The following WNT11 variants were observed in gnomAD, a reference collection of about 807,000 sequenced individuals.
WNT11 encodes protein Wnt-11.
Under a neutral mutation model 35.6 loss-of-function variants are expected in WNT11, and 20 were observed. That is an observed-to-expected ratio of 0.56 (90% CI 0.40 to 0.82). The LOEUF (loss-of-function observed/expected upper bound fraction) is 0.82. Among genes scored for constraint, WNT11 ranks in the 40% least tolerant of loss-of-function variants. The pLI is 0.00. For synonymous variants in WNT11, 200 were observed against 211.9 expected, an observed-to-expected ratio of 0.94 and a Z score of 0.49; for missense variants, 459 against 504.4, an observed-to-expected ratio of 0.91 and a Z score of 0.86.
intron 1 of WNT11, among the ~76,000 whole-genome samples, chr11:76,198,344 C>T (rs1953320253): frequency 6.6e-6 from 1 of 152,182 alleles, no homozygotes; most frequent in South Asian, 2.1e-4. Context: ...TGGTCTTTTC[C>T]TACCTGTGGG....
chr11:76,199,492 T>C (rs992372766), intron 1 of WNT11, among the ~76,000 whole-genome samples: 7 of 149,436 alleles, frequency 4.7e-5, no homozygotes, highest in Non-Finnish European at 8.9e-5. Context: ...AAAAAGGCTA[T>C]GGTGAGACTT....
In WNT11 at chr11:76,186,759, G is replaced by T; in HGVS notation, c.*306C>A. 4.1e-6 allele frequency: 2 copies of T among 492,306 alleles called. 1 individual carries two copies. The highest frequency in any genetic ancestry group is 3.3e-5 in the South Asian group (2 of 60,932). The allele number at this position is 492,306 out of a possible 1,614,324, so 30.5% of individuals were successfully genotyped here. A position where few individuals can be genotyped will look rare whatever the true frequency, so the allele number is the denominator to read the frequency against. ...GGTCTCTGTGGCCCTGAAAGGTCAAGTCTGTATCAGTCTCACCGATCCCAA... is the reference window on the plus strand; with the variant it reads ...GGTCTCTGTGGCCCTGAAAGGTCAATTCTGTATCAGTCTCACCGATCCCAA... On this transcript the variant is annotated 3_prime_UTR_variant, in exon 5 of 5. Transcript: ENST00000322563.
chr11:76,198,554 TC>T (rs377405264), intron 1 of WNT11, among the ~76,000 whole-genome samples: 90 of 152,316 alleles, frequency 5.9e-4, no homozygotes, highest in African/African-American at 2.1e-3. Flanking sequence ...GGAATGCCTT[TC>T]CCCCTGCTTC....
chr11:76,206,149 G>T (rs1041469544), intron 1 of WNT11, among the ~76,000 whole-genome samples, 176 bp downstream of exon 1: 1 of 152,174 alleles, frequency 6.6e-6, no homozygotes, highest in African/African-American at 2.4e-5. Context: ...AAGCCTGCGG[G>T]AGGCAGGGAC....
rs1255063705 is a variant in WNT11 at position 76,194,726 on chromosome 11, C to T, written c.438G>A (p.Glu146=). 6.4e-7 allele frequency: 1 copy of T among 1,550,592 alleles called. No individual in the cohort carries two copies. The highest frequency in any genetic ancestry group is 8.7e-7 in the Non-Finnish European group (1 of 1,147,116). ...PGCSCGPVPG[E]PPGPGNRWGG... is the part of the protein sequence containing the mutation. ...CCCAGCGGTTCCCGGGCCCGGGTGG[C>T]TCACCTGGGACGGGGCCGCAGGAGC... The change falls in exon 3 of 5, where the codon GAG becomes GAA. Residue 146 remains glutamate, a synonymous_variant. Transcript: ENST00000322563. The surrounding 1 kb of genome is among the most constrained non-coding windows in gnomAD (Gnocchi z 5.4).
chr11:76,187,148 G>A lies in WNT11; in HGVS notation c.982C>T (p.Arg328Trp), dbSNP rs762909664. The A allele has an allele frequency of 7.4e-6, 12 of 1,611,972 alleles. No individual in the cohort carries two copies. Among genetic ancestry groups the A allele is most frequent in the South Asian group, 3.3e-5 (3 of 91,082 alleles). Residue 328 changes from arginine to tryptophan, a missense_variant, in exon 5 of 5, where the codon CGG becomes TGG. Coordinates refer to ENST00000322563, the MANE Select transcript of WNT11 (RefSeq NM_004626.3). ...YNPYTDRVVE[R>W]CHCKYHWCCY... is the part of the protein sequence containing the mutation. Reference sequence around the variant, plus strand: ...CACCAGTGGTACTTACAGTGGCACCGCTCGACCACGCGGTCTGTGTAGGGG... The same window carrying A: ...CACCAGTGGTACTTACAGTGGCACCACTCGACCACGCGGTCTGTGTAGGGG...
chr11:76,194,786 G>T lies in WNT11; in HGVS notation c.378C>A (p.Ile126=). 2 of 1,555,006 alleles carry T rather than the reference G, an allele frequency of 1.3e-6. No individual in the cohort carries two copies. The highest frequency in any genetic ancestry group is 8.7e-7 in the Non-Finnish European group (1 of 1,153,344). Residue 126 remains isoleucine, a synonymous_variant, in exon 3 of 5, where the codon ATC becomes ATA. Coordinates refer to ENST00000322563, the MANE Select transcript of WNT11 (RefSeq NM_004626.3). The surrounding 1 kb of genome is among the most constrained non-coding windows in gnomAD (Gnocchi z 5.4). ...ALSAAAISHA[I]ARACTSGDLP... ...GGTCGCCGGAGGTGCAGGCCCGGGC[G>T]ATGGCGTGGCTGATGGCGGCGGCCG...
chr11:76,199,215 G>A (rs1442408368), intron 1 of WNT11, among the ~76,000 whole-genome samples: 1 of 152,138 alleles, frequency 6.6e-6, no homozygotes, highest in Admixed American at 6.5e-5. Flanking sequence ...GCTGGGGGTT[G>A]TTGCTCATGT....
Position 76,191,664 on chromosome 11 carries a change from C to G in WNT11, c.790G>C (p.Asp264His). The G allele has an allele frequency of 6.2e-7, 1 of 1,614,062 alleles. No homozygotes were observed. Among genetic ancestry groups the G allele is most frequent in the South Asian group, 1.1e-5 (1 of 91,088 alleles). ...TCCGAGTCCTTCACAGGCCGGATAT[C>G]CAGGTCCTTGGGCACCAGGTGCTTG... ...TRKHLVPKDL[D>H]IRPVKDSELV... is the part of the protein sequence containing the mutation. The change falls in exon 4 of 5, where the codon GAT becomes CAT. Residue 264 changes from aspartate (D) to histidine (H), a missense_variant. Transcript: ENST00000322563.
rs745360856 is a variant in WNT11 at position 76,191,729 on chromosome 11, A to G, written c.725T>C (p.Leu242Pro). 1.1e-5 allele frequency: 18 copies of G among 1,613,796 alleles called. No individual in the cohort carries two copies. Among genetic ancestry groups the G allele is most frequent in the Non-Finnish European group, 1.5e-5 (18 of 1,180,034 alleles). The stretch of plus-strand genomic sequence containing the variant: ...TCGGTGCACTACCTTGGTGGCCGAC[A>G]GGTATCGGGTCTTGAGGTCAGCAGC... ...DVAADLKTRY[L>P]SATKVVHRPM... Residue 242 changes from leucine (L) to proline (P), a missense_variant, in exon 4 of 5, where the codon CTG becomes CCG. Transcript: ENST00000322563.
At chr11:76,191,302 G>C (rs1411376621) in intron 4 of WNT11, among the ~76,000 whole-genome samples, 2 of 152,204 alleles carry the variant, frequency 1.3e-5, no homozygotes, top group African/African-American at 4.8e-5. Flanking sequence ...AGCTGGGGAA[G>C]GTGGAGCAGG....
chr11:76,187,281 A>G, intron 4 of WNT11, 42 bp from the exon 5 acceptor site: 1 of 1,564,016 alleles, frequency 6.4e-7, no homozygotes, highest in Non-Finnish European at 8.6e-7. Context: ...TGCCTTGGTC[A>G]CCACCCCACC....
intron 1 of WNT11, among the ~76,000 whole-genome samples, chr11:76,202,453 G>A (rs1953394827): frequency 1.3e-5 from 2 of 152,078 alleles, no homozygotes; most frequent in Non-Finnish European, 2.9e-5. Context: ...GTGTCTCTTT[G>A]GGCTTTCCTG....
chr11:76,207,560 C>A (rs1953493347), upstream of WNT11, among the ~76,000 whole-genome samples: 1 of 151,938 alleles, frequency 6.6e-6, no homozygotes, highest in Non-Finnish European at 1.5e-5. Flanking sequence ...CCTGCTTTCT[C>A]GGTGTGGGAA....
intron 4 of WNT11, among the ~76,000 whole-genome samples, chr11:76,189,137 T>C (rs12293246): frequency 0.017 from 2,525 of 152,376 alleles, 72 homozygotes; most frequent in African/African-American, 0.057. Context: ...TGAACCTTTT[T>C]GGGCTTTGTT....
At chr11:76,200,617 C>A (rs942904556) in intron 1 of WNT11, among the ~76,000 whole-genome samples, 1 of 152,192 alleles carries the variant, frequency 6.6e-6, no homozygotes, top group South Asian at 2.1e-4. Flanking sequence ...GTCCAGCACC[C>A]GCCAGCAGGC....
chr11:76,202,619 C>T (rs1953399014), intron 1 of WNT11, among the ~76,000 whole-genome samples: 1 of 152,184 alleles, frequency 6.6e-6, no homozygotes, highest in Non-Finnish European at 1.5e-5. Context: ...TCAATTAACT[C>T]TTCAATTAGG....
intron 4 of WNT11, chr11:76,190,753 A>G (rs1953170983): frequency 6.6e-6 from 1 of 152,180 alleles, no homozygotes; most frequent in South Asian, 2.1e-4. Context: ...AGAGCCTTTC[A>G]TATGTTCTAG....
chr11:76,191,757 C>T lies in WNT11; in HGVS notation c.697G>A (p.Val233Met). The change falls in exon 4 of 5, where the codon GTG (valine) becomes ATG (methionine). Residue 233 changes from valine (V) to methionine (M), a missense_variant. Physicochemically the swap from Val to Met is conservative, Grantham distance 21 (BLOSUM62 1). Coordinates refer to ENST00000322563, the MANE Select transcript of WNT11 (RefSeq NM_004626.3). ...TATCGGGTCTTGAGGTCAGCAGCCA[C>T]ATCCTGCAGCTCCTGCAGCCCCTTC... Reference protein sequence around the residue: ...CWKGLQELQDVAADLKTRYLS... With the variant: ...CWKGLQELQDMAADLKTRYLS... 2 of 1,613,560 alleles carry T rather than the reference C, an allele frequency of 1.2e-6. No homozygotes were observed. Among genetic ancestry groups the T allele is most frequent in the Non-Finnish European group, 1.7e-6 (2 of 1,180,042 alleles).
Sources: gnomAD v4.1 joint callset for allele counts (sites outside exome capture counted in the v4.1 genomes callset) on GRCh38, gnomAD v4.1.1 for gene constraint, Gnocchi (gnomAD v3.1) non-coding constraint, MANE v1.5 for transcripts, NCBI Gene and HGNC (gene_info 2026-07-23, HGNC 2026-07-21) for gene names.